The following ANKRD11 variants were observed in gnomAD, a reference collection of about 807,000 sequenced individuals.
ANKRD11 encodes the protein ankyrin repeat domain-containing protein 11.
A neutral mutation model predicts 195.7 loss-of-function variants in ANKRD11; 17 were observed. The ratio of observed to expected loss-of-function variants is 0.09; its 90% CI spans 0.06 to 0.13. ANKRD11 has a LOEUF of 0.13. ANKRD11 is among the 10% of genes least tolerant of loss of function. The probability of loss-of-function intolerance (pLI) is 1.00; values close to 1 mark genes in which losing one functional copy is unlikely to be tolerated. For synonymous variants in ANKRD11, 1,953 were observed against 1,528.1 expected, an observed-to-expected ratio of 1.28 and a Z score of -6.49; for missense variants, 3,735 against 3,566.1, an observed-to-expected ratio of 1.05 and a Z score of -1.21.
In ANKRD11 at chr16:89,301,878, C is replaced by T. The variant is rs138259480; in HGVS notation, c.226+3328G>A. Among the ~76,000 whole-genome samples the T allele has an allele frequency of 6.2e-3, 944 of 152,260 alleles. 15 individuals are homozygous for T. In the Middle Eastern group the frequency reaches 0.099, roughly 16 times the overall value. Reference sequence around the variant, plus strand: ...CCGACTCAACCCTGCATCTGGGAGGCGGGAAGCCATCCCCACAGCAACATG... The same window carrying T: ...CCGACTCAACCCTGCATCTGGGAGGTGGGAAGCCATCCCCACAGCAACATG... On this transcript the variant is annotated intron_variant, in intron 4 of 12. Coordinates refer to ENST00000301030, the MANE Select transcript of ANKRD11 (RefSeq NM_013275.6).
At chr16:89,375,980 T>C (rs1469971904) in intron 2 of ANKRD11, among the ~76,000 whole-genome samples, 1 of 152,184 alleles carries the variant, frequency 6.6e-6, no homozygotes, top group Non-Finnish European at 1.5e-5. Context: ...CTGCTGTGGA[T>C]GCTTTTCAAA....
Position 89,463,455 on chromosome 16 carries a change from A to G in ANKRD11, c.-145+26790T>C, listed in dbSNP as rs577474050. Among the ~76,000 whole-genome samples the G allele has an allele frequency of 1.2e-4, 18 of 152,300 alleles. No homozygotes were observed. The East Asian group carries it at 3.1e-3, about 26-fold the overall frequency. ...GGCGGTGCAAGATGTGCTTTGTTAAACAGACGGTTGAAGGCAGCATACTCG... is the reference window on the plus strand; with the variant it reads ...GGCGGTGCAAGATGTGCTTTGTTAAGCAGACGGTTGAAGGCAGCATACTCG... On this transcript the variant is annotated intron_variant, in intron 1 of 12. Transcript: ENST00000301030.
intron 3 of ANKRD11, among the ~76,000 whole-genome samples, chr16:89,311,629 C>G (rs959320000): frequency 2.0e-5 from 3 of 152,306 alleles, no homozygotes; most frequent in South Asian, 4.1e-4. Context: ...ATCAAACTTA[C>G]AGAACACAGG....
chr16:89,302,587 G>A (rs1339462638), intron 4 of ANKRD11, among the ~76,000 whole-genome samples: 1 of 152,130 alleles, frequency 6.6e-6, no homozygotes, highest in African/African-American at 2.4e-5. Context: ...TGGTTAAAAT[G>A]CAAGCTTCTA....
intron 1 of ANKRD11, among the ~76,000 whole-genome samples, chr16:89,468,251 AGTT>A (rs2056951940): frequency 1.3e-5 from 2 of 152,230 alleles, no homozygotes; most frequent in Non-Finnish European, 1.5e-5. Context: ...TTTGGGTTTA[AGTT>A]GTTGTAGTAG....
chr16:89,345,504 C>G (rs1208798720), intron 2 of ANKRD11, among the ~76,000 whole-genome samples: 2 of 152,222 alleles, frequency 1.3e-5, no homozygotes, highest in Admixed American at 1.3e-4. Context: ...ACCAGGCCCT[C>G]CAGTGGCCCC....
chr16:89,489,229 GCGC>G (rs2057724640), intron 1 of ANKRD11: 1 of 45,558 alleles, frequency 2.2e-5, no homozygotes, highest in African/African-American at 4.5e-5. Flanking sequence ...ACACACACGC[GCGC>G]GCGCGCGCGC....
intron 2 of ANKRD11, among the ~76,000 whole-genome samples, chr16:89,370,371 C>T (rs2040141266): frequency 6.6e-6 from 1 of 152,152 alleles, no homozygotes. Context: ...GTGCCCGGTA[C>T]CTGCCCCAGC....
chr16:89,394,232 C>T (rs2041327343), intron 2 of ANKRD11, among the ~76,000 whole-genome samples: 2 of 152,240 alleles, frequency 1.3e-5, no homozygotes, highest in Admixed American at 1.3e-4. Flanking sequence ...CGTTCTGGGA[C>T]TGCAGTTCCA....
intron 1 of ANKRD11, among the ~76,000 whole-genome samples, chr16:89,474,496 C>T (rs539773708): frequency 4.6e-5 from 7 of 151,914 alleles, no homozygotes; most frequent in African/African-American, 1.4e-4. Context: ...CAGAAATATA[C>T]CCCCACACAT....
At chr16:89,406,846 G>C (rs544835355) in intron 2 of ANKRD11, among the ~76,000 whole-genome samples, 1 of 152,200 alleles carries the variant, frequency 6.6e-6, no homozygotes, top group Non-Finnish European at 1.5e-5. Context: ...GAATATGGAA[G>C]GGGAAAAGGA....
At chr16:89,433,998 G>A (rs1285797048) in intron 1 of ANKRD11, among the ~76,000 whole-genome samples, 1 of 152,210 alleles carries the variant, frequency 6.6e-6, no homozygotes, top group Non-Finnish European at 1.5e-5. Context: ...GAAGTTTCCA[G>A]CTCCCAGCTG....
At chr16:89,456,957 C>CTTTTTT (rs56161810) in intron 1 of ANKRD11, among the ~76,000 whole-genome samples, 1 of 138,228 alleles carries the variant, frequency 7.2e-6, no homozygotes, top group Admixed American at 7.3e-5. Context: ...TTATGTGAGT[C>CTTTTTT]TTTTTTTTTT....
intron 2 of ANKRD11, among the ~76,000 whole-genome samples, chr16:89,356,389 A>G (rs1277676157): frequency 6.6e-6 from 1 of 152,006 alleles, no homozygotes; most frequent in East Asian, 1.9e-4. Context: ...AGATGATGAC[A>G]CCAGCTCCGG....
At chr16:89,442,581 A>G (rs1199305035) in intron 1 of ANKRD11, among the ~76,000 whole-genome samples, 2 of 152,166 alleles carry the variant, frequency 1.3e-5, no homozygotes, top group Admixed American at 1.3e-4. Context: ...GCTGGACAGT[A>G]TCATTCAGGA....
Position 89,280,346 on chromosome 16 carries a change from A to C in ANKRD11, c.6196T>G (p.Phe2066Val). The change falls in exon 9 of 13, where the codon TTC becomes GTC. Residue 2066 changes from phenylalanine to valine, a missense_variant. By Grantham distance (50) the Phe-to-Val change is conservative (BLOSUM62 -1). Transcript: ENST00000301030. ...TCCGGAAGTGACTTGCAGTTGCTGA[A>C]GAAGGACTCCAGCCCGGAGGGAGGG... ...YAPPSGLESF[F>V]SNCKSLPEAP... The C allele has an allele frequency of 2.5e-6, 4 of 1,576,544 alleles. No homozygotes were observed. Among genetic ancestry groups the C allele is most frequent in the Non-Finnish European group, 3.4e-6 (4 of 1,161,344 alleles).
chr16:89,348,298 T>C (rs114285270), intron 2 of ANKRD11, among the ~76,000 whole-genome samples: 1,565 of 152,342 alleles, frequency 0.01, 24 homozygotes, highest in African/African-American at 0.035. Context: ...CTTATGTCAA[T>C]ATGGTACACT....
At chr16:89,364,204 T>G (rs1219740236) in intron 2 of ANKRD11, among the ~76,000 whole-genome samples, 1 of 152,240 alleles carries the variant, frequency 6.6e-6, no homozygotes, top group Non-Finnish European at 1.5e-5. Context: ...CTTCCACCTG[T>G]GCCCTCAGGC....
chr16:89,286,397 C>A, intron 7 of ANKRD11: 2 of 722,914 alleles, frequency 2.8e-6, no homozygotes, highest in Non-Finnish European at 4.5e-6. Context: ...GTGGGAAGGG[C>A]TGCAGCCGCG....
Sources: allele counts gnomAD v4.1 joint callset (sites outside exome capture counted in the v4.1 genomes callset), GRCh38; gene constraint gnomAD v4.1.1; transcripts MANE v1.5; gene names NCBI Gene and HGNC (gene_info 2026-07-23, HGNC 2026-07-21).